NMNAT3: variants seen among roughly 807,000 people sequenced by gnomAD.
NMNAT3 encodes the protein nicotinamide nucleotide adenylyltransferase 3.
Under a neutral mutation model 24.8 loss-of-function variants are expected in NMNAT3, and 21 were observed. That is an observed-to-expected ratio of 0.85 (90% CI 0.60 to 1.22). The LOEUF (loss-of-function observed/expected upper bound fraction) is 1.22, where lower values mean the gene tolerates loss of function less well. Among genes scored for constraint, NMNAT3 ranks in the 50% most tolerant of loss-of-function variants. NMNAT3 has a pLI of 0.00. For synonymous variants in NMNAT3, 136 were observed against 155.2 expected, an observed-to-expected ratio of 0.88 and a Z score of 0.92; for missense variants, 387 against 436.6, an observed-to-expected ratio of 0.89 and a Z score of 1.01.
chr3:139,581,693 G>A (rs2053624493), intron 4 of NMNAT3, among the ~76,000 whole-genome samples: 1 of 152,132 alleles, frequency 6.6e-6, no homozygotes, highest in Admixed American at 6.5e-5. Context: ...TAGAGATGGG[G>A]TTGGAGAGCG....
At chr3:139,596,939 TATATATATATATATATATA>T (rs1416996452) in intron 3 of NMNAT3, among the ~76,000 whole-genome samples, 8 of 111,104 alleles carry the variant, frequency 7.2e-5, no homozygotes, top group African/African-American at 3.6e-4. Context: ...TATATATATA[TATATATATATATATATATA>T]TATATATTTT....
chr3:139,567,798 T>C (rs1358969184), intron 6 of NMNAT3: 3 of 152,218 alleles, frequency 2.0e-5, no homozygotes, highest in Admixed American at 6.5e-5. Context: ...TGGTCTAAAA[T>C]TCTCTTTTTT....
chr3:139,632,241 C>T (rs967321161), intron 2 of NMNAT3, among the ~76,000 whole-genome samples: 1 of 152,136 alleles, frequency 6.6e-6, no homozygotes, highest in African/African-American at 2.4e-5. Flanking sequence ...AATGAGCCTT[C>T]CAGAGATATA....
At chr3:139,596,916 G>GTATATATA (rs58824425) in intron 3 of NMNAT3, among the ~76,000 whole-genome samples, 71 of 97,008 alleles carry the variant, frequency 7.3e-4, no homozygotes, top group African/African-American at 1.4e-3. Flanking sequence ...TGTCATGTGT[G>GTATATATA]TATATATATA....
intron 1 of NMNAT3, among the ~76,000 whole-genome samples, chr3:139,662,318 C>A (rs576388354): frequency 6.6e-6 from 1 of 152,056 alleles, no homozygotes; most frequent in Admixed American, 6.6e-5. Context: ...CTGTTTGACC[C>A]ATCAGTCAAA....
intron 4 of NMNAT3, among the ~76,000 whole-genome samples, chr3:139,581,367 ATCTT>A (rs1304464984): frequency 5.5e-5 from 8 of 145,620 alleles, no homozygotes; most frequent in African/African-American, 1.8e-4. Context: ...ACAGGAGAAC[ATCTT>A]TTTTTTTTTT....
intron 3 of NMNAT3, among the ~76,000 whole-genome samples, chr3:139,592,842 C>T (rs564314959): frequency 5.9e-5 from 9 of 152,268 alleles, no homozygotes; most frequent in South Asian, 2.1e-4. Context: ...AAAGGAACAA[C>T]GGGTACCAGC....
chr3:139,617,965 T>C (rs1461581873), intron 3 of NMNAT3, among the ~76,000 whole-genome samples: 2 of 152,214 alleles, frequency 1.3e-5, no homozygotes, highest in Admixed American at 6.5e-5. Context: ...ATCAGCAAAA[T>C]AGGAATAAAA....
rs180965598 is a variant in NMNAT3 at position 139,571,912 on chromosome 3, C to T, written c.658+1686G>A. Among the ~76,000 whole-genome samples the T allele has an allele frequency of 8.7e-4, 132 of 152,352 alleles. 1 individual carries two copies. Among genetic ancestry groups the T allele is most frequent in the Admixed American group, 3.5e-3 (53 of 15,308 alleles). The stretch of plus-strand genomic sequence containing the variant: ...TCCTGAGTCACTCTGGCTGCCCCTG[C>T]CTCTCACTGGAGGCTCCAGTCTGCC... On this transcript the variant is annotated intron_variant, in intron 6 of 6. Transcript: ENST00000643695.
intron 3 of NMNAT3, among the ~76,000 whole-genome samples, chr3:139,617,539 T>C (rs9873488): frequency 6.4e-4 from 98 of 152,096 alleles, no homozygotes; most frequent in African/African-American, 2.3e-3. Flanking sequence ...GTTCATGTAA[T>C]GCACTTAGAG....
At chr3:139,620,105 T>C (rs569506278) in intron 3 of NMNAT3, among the ~76,000 whole-genome samples, 3 of 152,168 alleles carry the variant, frequency 2.0e-5, no homozygotes, top group Non-Finnish European at 2.9e-5. Context: ...TGTGGAATTT[T>C]ATAGTTTCCA....
chr3:139,663,738 C>T (rs1371491051), intron 1 of NMNAT3, among the ~76,000 whole-genome samples: 1 of 152,226 alleles, frequency 6.6e-6, no homozygotes, highest in Non-Finnish European at 1.5e-5. Context: ...GAAGTCAGGA[C>T]CTACTGAGCC....
intron 4 of NMNAT3, among the ~76,000 whole-genome samples, chr3:139,580,113 T>TAA (rs1939950990): frequency 6.6e-6 from 1 of 152,218 alleles, no homozygotes; most frequent in Non-Finnish European, 1.5e-5. Context: ...GCTAGCCTCA[T>TAA]AAAAAGCGTT....
chr3:139,675,135 T>TACACACACACACACAC lies in NMNAT3; in HGVS notation c.-141+2554_-141+2569dup, dbSNP rs148834873. Among the ~76,000 whole-genome samples, 1,129 of 148,322 alleles carry TACACACACACACACAC rather than the reference T, an allele frequency of 7.6e-3. 7 individuals are homozygous for TACACACACACACACAC. The highest frequency in any genetic ancestry group is 0.018 in the African/African-American group (739 of 40,100). On this transcript the variant is annotated intron_variant, in intron 1 of 6. Transcript: ENST00000643695. ...CTTACCTTCGTATTCCTTTTAAACATACACACACACACACACACACACACA... is the reference window on the plus strand; with the variant it reads ...CTTACCTTCGTATTCCTTTTAAACATACACACACACACACACACACACACACACACACACACACACA...
chr3:139,641,420 C>T lies in NMNAT3; in HGVS notation c.-140-3358G>A, dbSNP rs543830710. On this transcript the variant is annotated intron_variant, in intron 1 of 6. Coordinates refer to ENST00000643695, the MANE Select transcript of NMNAT3 (RefSeq NM_001320510.2). Reference sequence around the variant, plus strand: ...GATCTACGAGTGTGCATGCCACAAGCACAGCATTTTCTATAGTTGGAACAG... The same window carrying T: ...GATCTACGAGTGTGCATGCCACAAGTACAGCATTTTCTATAGTTGGAACAG... Among the ~76,000 whole-genome samples the T allele has an allele frequency of 2.0e-5, 3 of 152,294 alleles. No homozygotes were observed. In the South Asian group the frequency reaches 6.2e-4, roughly 32 times the overall value.
At position 139,571,473 on chromosome 3, in the gene NMNAT3, A is replaced by G. The variant is rs376994565; in HGVS notation, c.658+2125T>C. 5 of 152,280 alleles carry G rather than the reference A, an allele frequency of 3.3e-5. No individual in the cohort carries two copies. The East Asian group carries it at 9.7e-4, about 29-fold the overall frequency. The allele number at this position is 152,280 out of a possible 1,614,324, so 9.4% of individuals were successfully genotyped here. On this transcript the variant is annotated intron_variant, in intron 6 of 6. Coordinates refer to ENST00000643695, the MANE Select transcript of NMNAT3 (RefSeq NM_001320510.2). ...GGAGCTGTAGACTGGAGCTGTTCCT[A>G]TTCGGCCATCTTCAAAACATAGTTT...
intron 6 of NMNAT3, chr3:139,569,072 A>G (rs1406247373): frequency 1.3e-5 from 2 of 152,174 alleles, no homozygotes; most frequent in African/African-American, 4.8e-5. Flanking sequence ...CTTCCTGTTG[A>G]ATTGATCCCT....
intron 1 of NMNAT3, among the ~76,000 whole-genome samples, chr3:139,648,623 A>G (rs1384048330): frequency 6.6e-6 from 1 of 152,230 alleles, no homozygotes; most frequent in African/African-American, 2.4e-5. Flanking sequence ...TGTTGGAGAA[A>G]CATATCTTCA....
At chr3:139,646,875 C>T (rs778266785) in intron 1 of NMNAT3, among the ~76,000 whole-genome samples, 26 of 152,336 alleles carry the variant, frequency 1.7e-4, no homozygotes, top group South Asian at 2.1e-4. Flanking sequence ...GTTAAATGTA[C>T]GCTCACGAAC....
Sources: gnomAD v4.1 joint callset for allele counts (sites outside exome capture counted in the v4.1 genomes callset) on GRCh38, gnomAD v4.1.1 for gene constraint, MANE v1.5 for transcripts, NCBI Gene and HGNC (gene_info 2026-07-23, HGNC 2026-07-21) for gene names.